TTC23: variants seen among roughly 807,000 people sequenced by gnomAD.
TTC23 encodes the protein tetratricopeptide repeat protein 23.
A neutral mutation model predicts 55.1 loss-of-function variants in TTC23; 58 were observed. That is an observed-to-expected ratio of 1.05 (90% CI 0.85 to 1.31). TTC23 has a LOEUF of 1.31. TTC23 is among the 50% of genes most tolerant of loss of function. The pLI is 0.00. For missense variants in TTC23, 516 were observed against 534.4 expected (o/e 0.97, Z 0.34); for synonymous variants, 203 against 199.9 (o/e 1.02, Z -0.13).
intron 9 of TTC23, among the ~76,000 whole-genome samples, chr15:99,191,889 T>C (rs753029725): frequency 4.5e-4 from 68 of 152,336 alleles, no homozygotes; most frequent in Non-Finnish European, 6.0e-4. Context: ...TGAATGGCTT[T>C]GACCAAAAGC....
At chr15:99,240,451 C>T (rs891765886) in intron 3 of TTC23, among the ~76,000 whole-genome samples, 3 of 152,114 alleles carry the variant, frequency 2.0e-5, no homozygotes, top group Non-Finnish European at 2.9e-5. Context: ...AGGAGTTTCA[C>T]ATGAAGATGT....
intron 8 of TTC23, among the ~76,000 whole-genome samples, chr15:99,207,859 C>A (rs966606261): frequency 4.6e-5 from 7 of 152,146 alleles, no homozygotes; most frequent in African/African-American, 1.4e-4. Context: ...AATTTACACA[C>A]CCTGCTGGTG....
At chr15:99,168,900 G>A (rs77168395) in intron 10 of TTC23, among the ~76,000 whole-genome samples, 153 of 152,276 alleles carry the variant, frequency 1.0e-3, no homozygotes, top group African/African-American at 3.4e-3. Context: ...CTCTGGGTCT[G>A]GAGTGTGGTA....
chr15:99,137,882 G>C lies in TTC23; in HGVS notation c.*128C>G. On this transcript the variant is annotated 3_prime_UTR_variant, in exon 14 of 14. Transcript: ENST00000394132. ...CTTATGGTCTCACTGTTGCATGTTG[G>C]GGCCAACAGTTGGCCTTGGAAATCT... The C allele has an allele frequency of 6.9e-7, 1 of 1,441,858 alleles. No homozygotes were observed. Among genetic ancestry groups the C allele is most frequent in the Non-Finnish European group, 9.4e-7 (1 of 1,061,834 alleles). The allele number at this position is 1,441,858 out of a possible 1,614,324, so 89.3% of individuals were successfully genotyped here.
At chr15:99,236,611 C>T (rs1317331696) in intron 3 of TTC23, among the ~76,000 whole-genome samples, 1 of 152,206 alleles carries the variant, frequency 6.6e-6, no homozygotes, top group South Asian at 2.1e-4. Flanking sequence ...TGGTCTCCAA[C>T]TCCTGGGCTC....
chr15:99,174,898 GAGTAGC>G, intron 10 of TTC23, 146 bp downstream of exon 10: 1 of 620,144 alleles, frequency 1.6e-6, no homozygotes, highest in South Asian at 2.0e-5. Flanking sequence ...GAAAGCAGCA[GAGTAGC>G]ATAGGGGCAG....
chr15:99,244,081 C>T (rs888089327), intron 2 of TTC23, among the ~76,000 whole-genome samples: 35 of 152,244 alleles, frequency 2.3e-4, no homozygotes, highest in Non-Finnish European at 4.4e-4. Context: ...CAAAGCATCA[C>T]ATGTATCTCA....
At chr15:99,185,992 G>GA (rs2074627128) in intron 9 of TTC23, among the ~76,000 whole-genome samples, 1 of 152,152 alleles carries the variant, frequency 6.6e-6, no homozygotes, top group African/African-American at 2.4e-5. Context: ...AAACAACAGG[G>GA]AAAAATAACA....
intron 11 of TTC23, 135 bp from the exon 12 acceptor site, chr15:99,156,432 C>A: frequency 9.7e-7 from 1 of 1,026,788 alleles, no homozygotes; most frequent in Non-Finnish European, 1.4e-6. Context: ...TTAGTCCATT[C>A]TCATGCTGCT....
chr15:99,226,700 T>G (rs1301345554), intron 5 of TTC23, among the ~76,000 whole-genome samples: 3 of 152,146 alleles, frequency 2.0e-5, no homozygotes, highest in Non-Finnish European at 4.4e-5. Context: ...ATGTGTGCTG[T>G]TTCCTCTCCC....
intron 12 of TTC23, among the ~76,000 whole-genome samples, chr15:99,143,446 A>C (rs1280497129): frequency 6.6e-6 from 1 of 152,242 alleles, no homozygotes; most frequent in African/African-American, 2.4e-5. Flanking sequence ...CTAAGTAAAG[A>C]ACTCGCCAAA....
At chr15:99,138,795 G>C (rs549730417) in intron 13 of TTC23, among the ~76,000 whole-genome samples, 1 of 152,196 alleles carries the variant, frequency 6.6e-6, no homozygotes. Flanking sequence ...TGTCTGCTCC[G>C]GGCTGTGGCC....
At chr15:99,194,943 A>G (rs997744957) in intron 9 of TTC23, among the ~76,000 whole-genome samples, 3 of 152,214 alleles carry the variant, frequency 2.0e-5, no homozygotes, top group African/African-American at 7.2e-5. Flanking sequence ...CAAAACCAAA[A>G]CAAAACAAAA....
chr15:99,227,039 G>A (rs998907678), intron 5 of TTC23, among the ~76,000 whole-genome samples: 1 of 152,198 alleles, frequency 6.6e-6, no homozygotes, highest in Non-Finnish European at 1.5e-5. Context: ...AAATGCCTTT[G>A]GGCATGAGGG....
chr15:99,160,329 A>G (rs1218479349), intron 11 of TTC23: 1 of 152,128 alleles, frequency 6.6e-6, no homozygotes, highest in Non-Finnish European at 1.5e-5. Flanking sequence ...GATAGGTTAG[A>G]GTTGAAAAAA....
chr15:99,142,854 T>C (rs2068404359), intron 12 of TTC23, among the ~76,000 whole-genome samples: 1 of 152,076 alleles, frequency 6.6e-6, no homozygotes, highest in Admixed American at 6.6e-5. Flanking sequence ...AAGAGTGGAG[T>C]TAGGAGAGAA....
At position 99,221,767 on chromosome 15, in the gene TTC23, A is replaced by G; in HGVS notation, c.278T>C (p.Leu93Pro). The G allele has an allele frequency of 6.2e-7, 1 of 1,614,172 alleles. No homozygotes were observed. The highest frequency in any genetic ancestry group is 1.1e-5 in the South Asian group (1 of 91,074). ...HWKLAEAHVN[L>P]AQGYLQLKGL... ...TTTCAGCTGGAGGTAGCCTTGAGCC[A>G]GATTAACATGTGCCTCTGCTAGTTT... The change falls in exon 6 of 14, where the codon CTG (leucine) becomes CCG (proline). Residue 93 changes from leucine to proline, a missense_variant. Leu to Pro is a moderately conservative substitution (Grantham distance 98). Coordinates refer to ENST00000394132, the MANE Select transcript of TTC23 (RefSeq NM_001288615.3).
chr15:99,152,521 G>C (rs945622576), intron 12 of TTC23, among the ~76,000 whole-genome samples: 4 of 151,768 alleles, frequency 2.6e-5, no homozygotes, highest in African/African-American at 9.7e-5. Flanking sequence ...GAGATTACAG[G>C]TATGCGCCAG....
rs369672506 is a variant in TTC23 at position 99,228,616 on chromosome 15, G to T, written c.97C>A (p.Leu33Ile). The T allele has an allele frequency of 2.2e-5, 35 of 1,613,912 alleles. No homozygotes were observed. In the African/African-American group the frequency reaches 3.7e-4, roughly 17 times the overall value. The change falls in exon 5 of 14, where the codon CTT (leucine) becomes ATT (isoleucine). Residue 33 changes from leucine to isoleucine, a missense_variant. By Grantham distance (5) the Leu-to-Ile change is conservative. Transcript: ENST00000394132. ...GGAGGCTGGAATAGTGCTGTCTGAA[G>T]CAGCTTGTTTTGGAACTTCTTTCTA... ...THRKKFQNKL[L>I]QTALFQPPRE...
Sources: gnomAD v4.1 joint callset for allele counts (sites outside exome capture counted in the v4.1 genomes callset) on GRCh38, gnomAD v4.1.1 for gene constraint, MANE v1.5 for transcripts, NCBI Gene and HGNC (gene_info 2026-07-23, HGNC 2026-07-21) for gene names.